AGAP1: variants seen among roughly 807,000 people sequenced by gnomAD.
The protein encoded by AGAP1 is arf-GAP with GTPase, ANK repeat and PH domain-containing protein 1.
Under a neutral mutation model 105.3 loss-of-function variants are expected in AGAP1, and 29 were observed. That is an observed-to-expected ratio of 0.28 (90% confidence interval 0.21 to 0.38). The LOEUF is 0.38. Ranked by LOEUF, AGAP1 falls within the 10% of genes least tolerant of loss-of-function variation. The probability of loss-of-function intolerance (pLI) is 1.00; values close to 1 mark genes in which losing one functional copy is unlikely to be tolerated. For synonymous variants in AGAP1, 509 were observed against 485.9 expected (o/e 1.05, Z -0.63); for missense variants, 998 against 1,165.1 (o/e 0.86, Z 2.09).
Position 235,905,679 on chromosome 2 carries a change from A to G in AGAP1, c.1156-3059A>G, listed in dbSNP as rs931557282. Among the ~76,000 whole-genome samples the G allele has an allele frequency of 6.6e-6, 1 of 152,116 alleles. No individual in the cohort carries two copies. Among genetic ancestry groups the G allele is most frequent in the Non-Finnish European group, 1.5e-5 (1 of 68,026 alleles). ...CACACCTGGCTAATTTTGTATTTTT[A>G]GTAGAGCAGGCATTTCACCGTGTTG... On this transcript the variant is annotated intron_variant, in intron 10 of 17. Transcript: ENST00000304032. This position sits in a 1 kb window ranked among gnomAD's most constrained non-coding sequence, Gnocchi z 4.2.
In AGAP1 at chr2:235,535,596, C is replaced by T. The variant is rs1436414629; in HGVS notation, c.163+40747C>T. 6.6e-6 allele frequency among the ~76,000 whole-genome samples: 1 copy of T among 152,000 alleles called. No homozygotes were observed. The highest frequency in any genetic ancestry group is 6.6e-5 in the Admixed American group (1 of 15,266). On this transcript the variant is annotated intron_variant, in intron 1 of 17. Coordinates refer to ENST00000304032, the MANE Select transcript of AGAP1 (RefSeq NM_001037131.3). The surrounding 1 kb of genome is among the most constrained non-coding windows in gnomAD (Gnocchi z 5.1). ...GGAACGGTGGCGGGGCCAAAGGTTT[C>T]CTCAAAGACCCTGGGGGCCGGGCGG...
At chr2:235,568,355 C>A (rs548429801) in intron 1 of AGAP1, among the ~76,000 whole-genome samples, 1 of 152,222 alleles carries the variant, frequency 6.6e-6, no homozygotes, top group African/African-American at 2.4e-5. Flanking sequence ...GGAGCATGGA[C>A]GCCCGTTCTC....
rs1946036047 is a variant in AGAP1 at position 235,608,875 on chromosome 2, C to T, written c.164-100304C>T. Among the ~76,000 whole-genome samples, 1 of 152,072 alleles carries T rather than the reference C, an allele frequency of 6.6e-6. No homozygotes were observed. ...ACGAAGGTTTGAGAGCTGGCATGAC[C>T]CACTTTTGACCGTAAAACCTTTCAG... On this transcript the variant is annotated intron_variant, in intron 1 of 17. Transcript: ENST00000304032. The surrounding 1 kb of genome is among the most constrained non-coding windows in gnomAD (Gnocchi z 5.4).
intron 9 of AGAP1, 85 bp downstream of exon 9, chr2:235,807,416 G>A: frequency 8.0e-7 from 1 of 1,252,794 alleles, no homozygotes; most frequent in Non-Finnish European, 1.1e-6. Flanking sequence ...CTCGCACCAA[G>A]GTCTGTCTGA....
rs73998922 is a variant in AGAP1, at chr2:235,801,600, G to A, written c.957+2078G>A. Reference sequence around the variant, plus strand: ...AGCCCCTGTCTACCCCCAGGCTGGGGGGCTTTGGGTTGAAGTGTTTCCTGC... The same window carrying A: ...AGCCCCTGTCTACCCCCAGGCTGGGAGGCTTTGGGTTGAAGTGTTTCCTGC... On this transcript the variant is annotated intron_variant, in intron 8 of 17. Coordinates refer to ENST00000304032, the MANE Select transcript of AGAP1 (RefSeq NM_001037131.3). The surrounding 1 kb of genome is among the most constrained non-coding windows in gnomAD (Gnocchi z 6.0). 6.6e-6 allele frequency among the ~76,000 whole-genome samples: 1 copy of A among 151,950 alleles called. No homozygotes were observed. The highest frequency in any genetic ancestry group is 6.5e-5 in the Admixed American group (1 of 15,268).
chr2:235,810,914 G>A lies in AGAP1; in HGVS notation c.1050+3583G>A, dbSNP rs543801363. The stretch of plus-strand genomic sequence containing the variant: ...CAAAGCAAGAAAAAGCCAGAGGCCC[G>A]GCTCAGCGGCAAGTGGGTTTGTCAC... On this transcript the variant is annotated intron_variant, in intron 9 of 17. Transcript: ENST00000304032. Among the ~76,000 whole-genome samples, 7 of 151,184 alleles carry A rather than the reference G, an allele frequency of 4.6e-5. No homozygotes were observed. In the South Asian group the frequency reaches 6.3e-4, roughly 14 times the overall value.
rs1408621056 is a variant in AGAP1 at position 235,754,976 on chromosome 2, C to T, written c.673+4488C>T. Among the ~76,000 whole-genome samples, 2 of 152,312 alleles carry T rather than the reference C, an allele frequency of 1.3e-5. No homozygotes were observed. Among genetic ancestry groups the T allele is most frequent in the Admixed American group, 1.3e-4 (2 of 15,304 alleles). On this transcript the variant is annotated intron_variant, in intron 6 of 17. Transcript: ENST00000304032. This position sits in a 1 kb window ranked among gnomAD's most constrained non-coding sequence, Gnocchi z 4.6. ...CTCACAGGCGAGTTTGTGTGGCTTG[C>T]GGGGCTGGGTGAGCTGGTTCCACAA...
chr2:236,045,549 G>C lies in AGAP1; in HGVS notation c.1892-3510G>C, dbSNP rs1334892055. On this transcript the variant is annotated intron_variant, in intron 15 of 17. Coordinates refer to ENST00000304032, the MANE Select transcript of AGAP1 (RefSeq NM_001037131.3). This position sits in a 1 kb window ranked among gnomAD's most constrained non-coding sequence, Gnocchi z 6.9. ...GGACAAAGGTGGAAAGGCAGTGCTAGCAGGTGGCACGCACACAGGTGTGAG... is the reference window on the plus strand; with the variant it reads ...GGACAAAGGTGGAAAGGCAGTGCTACCAGGTGGCACGCACACAGGTGTGAG... Among the ~76,000 whole-genome samples, 1 of 152,246 alleles carries C rather than the reference G, an allele frequency of 6.6e-6. No homozygotes were observed. The highest frequency in any genetic ancestry group is 1.5e-5 in the Non-Finnish European group (1 of 68,050).
In AGAP1 at chr2:236,104,174, A is replaced by G. The variant is rs2059427277; in HGVS notation, c.2115-16018A>G. 6.6e-6 allele frequency among the ~76,000 whole-genome samples: 1 copy of G among 152,216 alleles called. No individual in the cohort carries two copies. Among genetic ancestry groups the G allele is most frequent in the South Asian group, 2.1e-4 (1 of 4,832 alleles). On this transcript the variant is annotated intron_variant, in intron 16 of 17. Coordinates refer to ENST00000304032, the MANE Select transcript of AGAP1 (RefSeq NM_001037131.3). The surrounding 1 kb of genome is among the most constrained non-coding windows in gnomAD (Gnocchi z 4.7). ...GGAGGCCTGTGTAAAGGCCTGCAGG[A>G]AGAGGCTGAGGGCCCGCTCCAGCAG... is the stretch of plus-strand genomic sequence containing the variant.
rs73130474 is a variant in AGAP1, at chr2:235,959,656, C to T, written c.1484-8806C>T. 4.0e-3 allele frequency among the ~76,000 whole-genome samples: 616 copies of T among 152,212 alleles called. 1 individual carries two copies. Among genetic ancestry groups the T allele is most frequent in the African/African-American group, 0.014 (590 of 41,532 alleles). The stretch of plus-strand genomic sequence containing the variant: ...TCTCCTGCCACGGCCCCCCTCAATT[C>T]ACATCCTAATTCACCCCGCCATCAC... On this transcript the variant is annotated intron_variant, in intron 12 of 17. Coordinates refer to ENST00000304032, the MANE Select transcript of AGAP1 (RefSeq NM_001037131.3). The surrounding 1 kb of genome is among the most constrained non-coding windows in gnomAD (Gnocchi z 7.3).
intron 6 of AGAP1, among the ~76,000 whole-genome samples, chr2:235,762,189 G>A (rs559592287): frequency 2.0e-5 from 3 of 151,824 alleles, no homozygotes; most frequent in East Asian, 3.9e-4. Flanking sequence ...TTCACTCATC[G>A]AGGAGCTACC....
rs2054437209 is a variant in AGAP1, at chr2:235,967,183, A to G, written c.1484-1279A>G. Among the ~76,000 whole-genome samples, 1 of 151,970 alleles carries G rather than the reference A, an allele frequency of 6.6e-6. No homozygotes were observed. Among genetic ancestry groups the G allele is most frequent in the Non-Finnish European group, 1.5e-5 (1 of 67,984 alleles). On this transcript the variant is annotated intron_variant, in intron 12 of 17. Coordinates refer to ENST00000304032, the MANE Select transcript of AGAP1 (RefSeq NM_001037131.3). The surrounding 1 kb of genome is among the most constrained non-coding windows in gnomAD (Gnocchi z 4.7). Reference sequence around the variant, plus strand: ...CGGGCCCCCTCTCCGTTTCTGGAACACACCAGGCTCCCTCCTTGGAGCCAG... The same window carrying G: ...CGGGCCCCCTCTCCGTTTCTGGAACGCACCAGGCTCCCTCCTTGGAGCCAG...
intron 16 of AGAP1, chr2:236,072,455 AAG>A (rs2058527453): frequency 6.6e-6 from 1 of 151,908 alleles, no homozygotes; most frequent in African/African-American, 2.4e-5. Flanking sequence ...AAAAAAAAAA[AAG>A]AGATAGGGTC....
chr2:235,986,160 C>T (rs569004149), intron 13 of AGAP1, among the ~76,000 whole-genome samples: 145 of 151,948 alleles, frequency 9.5e-4, no homozygotes, highest in South Asian at 5.2e-3. Context: ...AGTGGTTTGT[C>T]GTTCTCCTTG....
chr2:235,975,146 A>G (rs747179302), intron 13 of AGAP1, among the ~76,000 whole-genome samples: 34 of 152,232 alleles, frequency 2.2e-4, no homozygotes, highest in Non-Finnish European at 1.6e-4. Flanking sequence ...GCCTACTTAC[A>G]ACTTTAAACA....
intron 1 of AGAP1, among the ~76,000 whole-genome samples, chr2:235,603,940 G>T (rs1323936202): frequency 1.3e-5 from 2 of 152,166 alleles, no homozygotes; most frequent in South Asian, 2.1e-4. Flanking sequence ...TGCAGTCTTG[G>T]CACAGGCACC....
At chr2:235,548,185 C>T (rs1173903612) in intron 1 of AGAP1, among the ~76,000 whole-genome samples, 1 of 152,204 alleles carries the variant, frequency 6.6e-6, no homozygotes, top group Non-Finnish European at 1.5e-5. Flanking sequence ...TGGACTGCGT[C>T]TCGTCTCCCT....
chr2:235,647,383 A>G (rs1383718902), intron 1 of AGAP1, among the ~76,000 whole-genome samples: 2 of 152,054 alleles, frequency 1.3e-5, no homozygotes, highest in Non-Finnish European at 2.9e-5. Flanking sequence ...GAGTTGAGCA[A>G]TCACATTTCT....
At chr2:235,738,430 C>G (rs550115058) in intron 3 of AGAP1, among the ~76,000 whole-genome samples, 1 of 152,034 alleles carries the variant, frequency 6.6e-6, no homozygotes, top group Non-Finnish European at 1.5e-5. Context: ...AGGGAGGGCT[C>G]GGCAGGGATT....
Sources: gnomAD v4.1 joint callset for allele counts (sites outside exome capture counted in the v4.1 genomes callset) on GRCh38, gnomAD v4.1.1 for gene constraint, Gnocchi (gnomAD v3.1) non-coding constraint, MANE v1.5 for transcripts, NCBI Gene and HGNC (gene_info 2026-07-23, HGNC 2026-07-21) for gene names.